Variants in GRIP2 observed in about 807,000 individuals in gnomAD.
GRIP2 encodes the protein glutamate receptor interacting protein 2.
Under a neutral mutation model 108.3 loss-of-function variants are expected in GRIP2, and 58 were observed. The observed-to-expected ratio is 0.54, with a 90% CI of 0.43 to 0.67. The LOEUF (loss-of-function observed/expected upper bound fraction) is 0.67. Among genes scored for constraint, GRIP2 ranks in the 30% least tolerant of loss-of-function variants. GRIP2 has a pLI of 0.00. For missense variants in GRIP2, 1,278 were observed against 1,430.6 expected (o/e 0.89, Z 1.72); for synonymous variants, 586 against 598.2 (o/e 0.98, Z 0.30).
the GRIP2 span, among the ~76,000 whole-genome samples, chr3:14,579,816 G>A: frequency 6.6e-6 from 1 of 152,202 alleles, no homozygotes; most frequent in Non-Finnish European, 1.5e-5. Context: ...CATTGACCAC[G>A]AGACCAGGGC....
In GRIP2 at chr3:14,504,380, C is replaced by T. The variant is rs145891062; in HGVS notation, c.2574-709G>A. On this transcript the variant is annotated intron_variant, in intron 20 of 23. Coordinates refer to ENST00000621039, the MANE Select transcript of GRIP2 (RefSeq NM_001080423.4). The stretch of plus-strand genomic sequence containing the variant: ...AAGCTGGAGTGCAGTGGCATGATCT[C>T]GACTCACTGCAAGCTCTGCCTCCTG... Among the ~76,000 whole-genome samples, 207 of 146,742 alleles carry T rather than the reference C, an allele frequency of 1.4e-3. 3 individuals are homozygous for T. Among genetic ancestry groups the T allele is most frequent in the African/African-American group, 5.2e-3 (202 of 39,066 alleles).
At position 14,493,650 on chromosome 3, in the gene GRIP2, G is replaced by T. The variant is rs1404261439; in HGVS notation, c.*15C>A. On this transcript the variant is annotated 3_prime_UTR_variant, in exon 24 of 24. Transcript: ENST00000621039. ...GCCTGGGTGGCCCCTTAGGAGTTCGGCCCACATGCTGACTTCAGAGCATCC... is the reference window on the plus strand; with the variant it reads ...GCCTGGGTGGCCCCTTAGGAGTTCGTCCCACATGCTGACTTCAGAGCATCC... 6.3e-7 allele frequency: 1 copy of T among 1,579,768 alleles called. No homozygotes were observed.
chr3:14,525,645 G>A (rs1228527168), intron 2 of GRIP2, 73 bp from the exon 3 acceptor site: 8 of 1,572,726 alleles, frequency 5.1e-6, no homozygotes, highest in South Asian at 1.1e-5. Flanking sequence ...TAAGATAAGC[G>A]AGGCGAGCAC....
At chr3:14,590,248 T>G in the GRIP2 span, among the ~76,000 whole-genome samples, 1 of 152,208 alleles carries the variant, frequency 6.6e-6, no homozygotes, top group Admixed American at 6.5e-5. Flanking sequence ...AATCGCTGCC[T>G]GCTCAGGCCT....
chr3:14,554,261 C>T (rs945077435), intron 1 of GRIP2, among the ~76,000 whole-genome samples: 2 of 152,144 alleles, frequency 1.3e-5, no homozygotes, highest in African/African-American at 2.4e-5. Context: ...TCTGTCCGGG[C>T]CAATACAAGC....
Position 14,505,823 on chromosome 3 carries a change from C to T in GRIP2, c.2399-34G>A, listed in dbSNP as rs762196039. 57 of 1,474,888 alleles carry T rather than the reference C, an allele frequency of 3.9e-5. 1 individual carries two copies. The highest frequency in any genetic ancestry group is 1.3e-4 in the South Asian group (9 of 70,358). 91.4% of individuals were successfully genotyped at this position (1,474,888 alleles called of 1,614,324 possible). On this transcript the variant is annotated intron_variant, in intron 19 of 23. Transcript: ENST00000621039. The surrounding 1 kb of genome is among the most constrained non-coding windows in gnomAD (Gnocchi z 4.2). The stretch of plus-strand genomic sequence containing the variant: ...GGAGAGAGGGCCTCTGTGTTCCCTG[C>T]GGCCTCACCTTGCCCTCCTGCCTGC...
Position 14,506,803 on chromosome 3 carries a change from G to A in GRIP2, c.2396C>T (p.Pro799Leu). 1.3e-6 allele frequency: 2 copies of A among 1,593,626 alleles called. No individual in the cohort carries two copies. Among genetic ancestry groups the A allele is most frequent in the Non-Finnish European group, 1.7e-6 (2 of 1,170,094 alleles). Residue 799 changes from proline to leucine, a missense_variant and splice_region_variant, in exon 19 of 24, where the codon CCA becomes CTA. Coordinates refer to ENST00000621039, the MANE Select transcript of GRIP2 (RefSeq NM_001080423.4). Reference sequence around the variant, plus strand: ...GTCCAAGGGCCCCAAGGTATTACCTGGGCCCCCAAAGCCACCCTCGGTGGC... The same window carrying A: ...GTCCAAGGGCCCCAAGGTATTACCTAGGCCCCCAAAGCCACCCTCGGTGGC... ...SSATEGGFGG[P>L]GSYTPQAAAR...
chr3:14,577,536 C>G, the GRIP2 span, among the ~76,000 whole-genome samples: 10 of 152,232 alleles, frequency 6.6e-5, no homozygotes, highest in African/African-American at 2.2e-4. Flanking sequence ...GACATTCCCA[C>G]TTCCAGGAAG....
chr3:14,574,054 G>A, the GRIP2 span: 2 of 1,502,652 alleles, frequency 1.3e-6, no homozygotes, highest in South Asian at 1.1e-5. Flanking sequence ...TTCTCCTGCT[G>A]CACGTACTTG....
chr3:14,568,795 A>G, the GRIP2 span, among the ~76,000 whole-genome samples: 41,352 of 152,102 alleles, frequency 0.27, 6,136 homozygotes, highest in Middle Eastern at 0.37. Context: ...TTCTGGACCT[A>G]GATGTGGAGT....
rs1490071308 is a variant in GRIP2 at position 14,521,717 on chromosome 3, C to T, written c.637G>A (p.Ala213Thr). 1.2e-6 allele frequency: 2 copies of T among 1,610,998 alleles called. No individual in the cohort carries two copies. Among genetic ancestry groups the T allele is most frequent in the Admixed American group, 1.7e-5 (1 of 59,698 alleles). Reference protein sequence around the residue: ...DGIPLHGASHATALATLRQCS... With the variant: ...DGIPLHGASHTTALATLRQCS... ...TGCCGCAGGGTGGCCAGGGCGGTGG[C>T]ATGGCTGGCCCCGTGCAGCGGGATT... The change falls in exon 7 of 24, where the codon GCC becomes ACC. Residue 213 changes from alanine to threonine, a missense_variant. Ala to Thr is a moderately conservative substitution (Grantham distance 58). Coordinates refer to ENST00000621039, the MANE Select transcript of GRIP2 (RefSeq NM_001080423.4). The surrounding 1 kb of genome is among the most constrained non-coding windows in gnomAD (Gnocchi z 5.1).
chr3:14,525,820 G>T, intron 2 of GRIP2, 31 bp downstream of exon 2: 1 of 1,549,590 alleles, frequency 6.5e-7, no homozygotes, highest in South Asian at 1.2e-5. Flanking sequence ...CTCCAGGGCA[G>T]AAAAAGAGGG....
At chr3:14,548,576 C>G (rs1416438607) in intron 1 of GRIP2, among the ~76,000 whole-genome samples, 2 of 152,228 alleles carry the variant, frequency 1.3e-5, no homozygotes, top group Non-Finnish European at 2.9e-5. Context: ...GTGGCTAACA[C>G]TGTGCCCAGA....
rs1693912503 is a variant in GRIP2, at chr3:14,505,878, G to A, written c.2399-89C>T. The A allele has an allele frequency of 7.7e-7, 1 of 1,297,806 alleles. No individual in the cohort carries two copies. The highest frequency in any genetic ancestry group is 1.5e-5 in the African/African-American group (1 of 65,986). The allele number at this position is 1,297,806 out of a possible 1,614,324, so 80.4% of individuals were successfully genotyped here. ...TTTCCAGCTGTGCTGAGTGACCCTGGGGAGGTCGTTGCTCCTCTCTGGGCC... is the reference window on the plus strand; with the variant it reads ...TTTCCAGCTGTGCTGAGTGACCCTGAGGAGGTCGTTGCTCCTCTCTGGGCC... On this transcript the variant is annotated intron_variant, in intron 19 of 23. Transcript: ENST00000621039. The surrounding 1 kb of genome is among the most constrained non-coding windows in gnomAD (Gnocchi z 4.2).
chr3:14,546,799 CA>C (rs1262299841), upstream of GRIP2, among the ~76,000 whole-genome samples: 1 of 152,116 alleles, frequency 6.6e-6, no homozygotes, highest in Non-Finnish European at 1.5e-5. Context: ...GAAATGCAGA[CA>C]AAACCAAGAG....
chr3:14,545,729 G>GAAACACCTAAAA (rs1695048047), upstream of GRIP2, among the ~76,000 whole-genome samples: 1 of 152,210 alleles, frequency 6.6e-6, no homozygotes. Flanking sequence ...GTGAATGAGC[G>GAAACACCTAAAA]AAACACCTAA....
chr3:14,574,491 C>CT, the GRIP2 span: 4 of 718,168 alleles, frequency 5.6e-6, no homozygotes, highest in Non-Finnish European at 1.0e-5. Context: ...AAGCTCACTG[C>CT]GGTCCAGGGC....
chr3:14,566,490 A>C, the GRIP2 span, among the ~76,000 whole-genome samples: 1 of 152,246 alleles, frequency 6.6e-6, no homozygotes, highest in East Asian at 1.9e-4. Flanking sequence ...GCCACAGGCC[A>C]TTAGAACCGC....
Position 14,496,003 on chromosome 3 carries a change from G to A in GRIP2, c.2823+414C>T, listed in dbSNP as rs565863447. Among the ~76,000 whole-genome samples, 10 of 152,206 alleles carry A rather than the reference G, an allele frequency of 6.6e-5. No individual in the cohort carries two copies. In the East Asian group the frequency reaches 1.7e-3, roughly 27 times the overall value. On this transcript the variant is annotated intron_variant, in intron 22 of 23. Transcript: ENST00000621039. ...TCTAAAAAAATACAAAAATTAGCCAGGTGTAGTGGTGCATGCCTGTGGTCC... is the reference window on the plus strand; with the variant it reads ...TCTAAAAAAATACAAAAATTAGCCAAGTGTAGTGGTGCATGCCTGTGGTCC...
Sources: gnomAD v4.1 joint callset for allele counts (sites outside exome capture counted in the v4.1 genomes callset) on GRCh38, gnomAD v4.1.1 for gene constraint, Gnocchi (gnomAD v3.1) non-coding constraint, MANE v1.5 for transcripts, NCBI Gene and HGNC (gene_info 2026-07-23, HGNC 2026-07-21) for gene names.